The following DTNB variants were observed in gnomAD, a reference collection of about 807,000 sequenced individuals.
DTNB encodes the protein dystrobrevin beta.
DTNB carries 63 observed loss-of-function variants against 90.7 expected under a neutral mutation model. The observed-to-expected ratio is 0.69, with a 90% CI of 0.57 to 0.86. The LOEUF is 0.86. Among genes scored for constraint, DTNB ranks in the 40% least tolerant of loss-of-function variants. DTNB has a pLI of 0.00. For synonymous variants in DTNB, 277 were observed against 286.7 expected (o/e 0.97, Z 0.34); for missense variants, 744 against 807.1 (o/e 0.92, Z 0.95).
At chr2:25,627,495 G>A (rs2074481273) in intron 4 of DTNB, among the ~76,000 whole-genome samples, 2 of 151,822 alleles carry the variant, frequency 1.3e-5, no homozygotes, top group Admixed American at 6.6e-5. Context: ...GAACAAACTA[G>A]GCATAGAAGA....
At chr2:25,539,460 G>A (rs2080639493) in intron 8 of DTNB, among the ~76,000 whole-genome samples, 1 of 151,982 alleles carries the variant, frequency 6.6e-6, no homozygotes, top group African/African-American at 2.4e-5. Context: ...GTTTTAATTT[G>A]CAATTCCCTG....
intron 9 of DTNB, among the ~76,000 whole-genome samples, chr2:25,509,513 C>T (rs1468822295): frequency 6.6e-6 from 1 of 152,094 alleles, no homozygotes; most frequent in Non-Finnish European, 1.5e-5. Context: ...CCTTTCTTGA[C>T]AGGTATTTTC....
intron 3 of DTNB, 99 bp from the exon 4 acceptor site, chr2:25,628,483 GA>G: frequency 1.8e-6 from 2 of 1,136,428 alleles, no homozygotes. Flanking sequence ...TAAGTTTAAA[GA>G]GAAGAAACTC....
chr2:25,576,807 C>A, intron 8 of DTNB, 31 bp downstream of exon 8: 1 of 1,592,224 alleles, frequency 6.3e-7, no homozygotes. Flanking sequence ...GATTAACACT[C>A]AGGGACACAG....
intron 1 of DTNB, among the ~76,000 whole-genome samples, chr2:25,659,832 A>G (rs761438959): frequency 7.9e-5 from 12 of 152,172 alleles, no homozygotes; most frequent in Non-Finnish European, 1.6e-4. Context: ...AAAGACAAGG[A>G]AACACTTACC....
intron 4 of DTNB, among the ~76,000 whole-genome samples, chr2:25,623,979 A>G (rs2073487827): frequency 6.6e-6 from 1 of 152,176 alleles, no homozygotes; most frequent in Non-Finnish European, 1.5e-5. Context: ...GGGGATGGAC[A>G]TGCCTCATGA....
chr2:25,483,529 G>A (rs924832149), intron 9 of DTNB, among the ~76,000 whole-genome samples: 4 of 152,188 alleles, frequency 2.6e-5, no homozygotes, highest in African/African-American at 9.7e-5. Flanking sequence ...TAATTAGAAT[G>A]TTGTCTTTGA....
In DTNB at chr2:25,482,858, C is replaced by T. The variant is rs1558710353; in HGVS notation, c.1017G>A (p.Leu339=). ...TAACCATGGTGTCATTCATATTAGT[C>T]AGAGGGCGAGGAGGACTGAAAGAAA... is the stretch of plus-strand genomic sequence containing the variant. The part of the protein sequence containing the change: ...DLAHIVPPRP[L]TNMNDTMVSH... Residue 339 remains leucine (L), a synonymous_variant, in exon 10 of 21, where the codon CTG becomes CTA. Coordinates refer to ENST00000406818, the MANE Select transcript of DTNB (RefSeq NM_021907.5). 6.2e-7 allele frequency: 1 copy of T among 1,609,072 alleles called. No individual in the cohort carries two copies. Among genetic ancestry groups the T allele is most frequent in the Admixed American group, 1.7e-5 (1 of 58,558 alleles).
At chr2:25,567,481 C>T (rs760503354) in intron 8 of DTNB, among the ~76,000 whole-genome samples, 10 of 152,214 alleles carry the variant, frequency 6.6e-5, no homozygotes, top group African/African-American at 2.4e-4. Context: ...TGTCCATCAA[C>T]ATTTTTTTAA....
rs750643824 is a variant in DTNB at position 25,424,463 on chromosome 2, A to T, written c.1554+3072T>A. Among the ~76,000 whole-genome samples the T allele has an allele frequency of 6.6e-6, 1 of 152,148 alleles. No homozygotes were observed. Among genetic ancestry groups the T allele is most frequent in the Non-Finnish European group, 1.5e-5 (1 of 68,032 alleles). ...GGGCTTGGGGTCAGTAGTTCTGGGG[A>T]TCACTAAGACAATCCAACTGAAAGG... On this transcript the variant is annotated intron_variant, in intron 15 of 20. Coordinates refer to ENST00000406818, the MANE Select transcript of DTNB (RefSeq NM_021907.5). The surrounding 1 kb of genome is among the most constrained non-coding windows in gnomAD (Gnocchi z 4.1).
chr2:25,633,355 G>A (rs898113852), intron 3 of DTNB, among the ~76,000 whole-genome samples: 5 of 152,148 alleles, frequency 3.3e-5, no homozygotes, highest in Non-Finnish European at 7.4e-5. Flanking sequence ...TGGTGGAGAC[G>A]GGGTTTCGCT....
At chr2:25,385,420 G>A (rs1383283339) in intron 18 of DTNB, among the ~76,000 whole-genome samples, 1 of 152,180 alleles carries the variant, frequency 6.6e-6, no homozygotes, top group Admixed American at 6.5e-5. Flanking sequence ...CATGTAAAGG[G>A]AGTTTATGTC....
At chr2:25,431,057 A>C (rs770915078) in intron 14 of DTNB, among the ~76,000 whole-genome samples, 21 of 152,218 alleles carry the variant, frequency 1.4e-4, no homozygotes, top group Admixed American at 4.6e-4. Context: ...GATACCTACA[A>C]GTGAATCCAG....
intron 9 of DTNB, among the ~76,000 whole-genome samples, chr2:25,489,923 G>A (rs2067005361): frequency 6.6e-6 from 1 of 151,924 alleles, no homozygotes; most frequent in South Asian, 2.1e-4. Context: ...TAGATAAATG[G>A]GTAAAGTAAA....
intron 5 of DTNB, among the ~76,000 whole-genome samples, chr2:25,605,233 A>G (rs2066849568): frequency 1.3e-5 from 2 of 152,240 alleles, no homozygotes; most frequent in Admixed American, 1.3e-4. Flanking sequence ...GATAAACCAC[A>G]CTTGAAATCT....
In DTNB at chr2:25,434,596, A is replaced by G. The variant is rs1459347698; in HGVS notation, c.1258-601T>C. Among the ~76,000 whole-genome samples, 4 of 151,950 alleles carry G rather than the reference A, an allele frequency of 2.6e-5. No individual in the cohort carries two copies. The East Asian group carries it at 5.8e-4, about 22-fold the overall frequency. On this transcript the variant is annotated intron_variant, in intron 12 of 20. Transcript: ENST00000406818. ...CCCTTCTTTTTTATTGCTGTATAGTATTCTATTGTTTCCAGCTTTTGGTTA... is the reference window on the plus strand; with the variant it reads ...CCCTTCTTTTTTATTGCTGTATAGTGTTCTATTGTTTCCAGCTTTTGGTTA...
intron 10 of DTNB, among the ~76,000 whole-genome samples, chr2:25,472,654 T>C (rs1331499847): frequency 1.3e-5 from 2 of 152,068 alleles, no homozygotes; most frequent in Non-Finnish European, 2.9e-5. Flanking sequence ...GAGGCCGAGG[T>C]AGGTAGATCA....
intron 16 of DTNB, among the ~76,000 whole-genome samples, chr2:25,411,425 G>GA (rs1490506088): frequency 6.6e-5 from 10 of 151,518 alleles, no homozygotes; most frequent in African/African-American, 9.7e-5. Flanking sequence ...CCTCTTTTTG[G>GA]AAAAAAAATA....
intron 15 of DTNB, among the ~76,000 whole-genome samples, chr2:25,425,225 T>C (rs775301656): frequency 6.6e-6 from 1 of 152,206 alleles, no homozygotes; most frequent in African/African-American, 2.4e-5. Flanking sequence ...ACAGGGTTAA[T>C]GTAGAAACAT....
Sources: allele counts gnomAD v4.1 joint callset (sites outside exome capture counted in the v4.1 genomes callset), GRCh38; gene constraint gnomAD v4.1.1; non-coding constraint Gnocchi (gnomAD v3.1); transcripts MANE v1.5; gene names NCBI Gene and HGNC (gene_info 2026-07-23, HGNC 2026-07-21).